The following RIGI variants were observed in gnomAD, a reference collection of about 807,000 sequenced individuals.
RIGI encodes antiviral innate immune response receptor RIG-I.
At chr9:32,477,222 T>A in the RIGI span, 2 of 1,466,464 alleles carry the variant, frequency 1.4e-6, no homozygotes, top group Non-Finnish European at 1.8e-6. Context: ...ACAGCTGATC[T>A]CTAAATCTTT....
At chr9:32,494,486 T>C in the RIGI span, among the ~76,000 whole-genome samples, 1 of 152,182 alleles carries the variant, frequency 6.6e-6, no homozygotes, top group Non-Finnish European at 1.5e-5. Context: ...AAAATACTAA[T>C]GGCCAAGAAA....
At chr9:32,457,087 C>T in the RIGI span, 2 of 1,554,474 alleles carry the variant, frequency 1.3e-6, no homozygotes, top group Non-Finnish European at 1.8e-6. Context: ...CTCAAAGTTA[C>T]TCATTCCCTG....
chr9:32,487,368 A>G, the RIGI span: 1 of 1,152,170 alleles, frequency 8.7e-7, no homozygotes, highest in Non-Finnish European at 1.2e-6. Context: ...ATTTTCTACT[A>G]AACAGAGAGA....
chr9:32,492,546 A>G, the RIGI span: 7 of 1,613,624 alleles, frequency 4.3e-6, no homozygotes, highest in Non-Finnish European at 5.9e-6. Flanking sequence ...AATCTAAGCA[A>G]GGTAACTGTA....
chr9:32,499,316 GTTTTTTT>G, the RIGI span, among the ~76,000 whole-genome samples: 789 of 57,684 alleles, frequency 0.014, 7 homozygotes, highest in South Asian at 0.13. Flanking sequence ...TTTGTGATTT[GTTTTTTT>G]TTTTTTTTTT....
chr9:32,456,841 A>C, the RIGI span: 2 of 374,318 alleles, frequency 5.3e-6, no homozygotes, highest in Non-Finnish European at 9.7e-6. Flanking sequence ...GTACAGAGTG[A>C]TTACTGTGTG....
the RIGI span, among the ~76,000 whole-genome samples, chr9:32,523,073 A>G: frequency 6.6e-6 from 1 of 152,094 alleles, no homozygotes; most frequent in African/African-American, 2.4e-5. Flanking sequence ...CCATTTTCCA[A>G]CACCTAGTTA....
At chr9:32,489,388 A>G in the RIGI span, 1 of 1,613,624 alleles carries the variant, frequency 6.2e-7, no homozygotes, top group Non-Finnish European at 8.5e-7. Context: ...CATAGCAGGC[A>G]AAGCAAGCTC....
At chr9:32,493,815 G>T in the RIGI span, 2 of 1,610,274 alleles carry the variant, frequency 1.2e-6, no homozygotes, top group Non-Finnish European at 1.7e-6. Flanking sequence ...GATCAGAAAT[G>T]ATATCGGTTG....
the RIGI span, among the ~76,000 whole-genome samples, chr9:32,479,086 T>A: frequency 6.6e-6 from 1 of 152,212 alleles, no homozygotes; most frequent in Non-Finnish European, 1.5e-5. Context: ...AATGAAACTA[T>A]ATACCAACAA....
chr9:32,483,910 G>A, the RIGI span, among the ~76,000 whole-genome samples: 2 of 152,040 alleles, frequency 1.3e-5, no homozygotes, highest in Non-Finnish European at 2.9e-5. Flanking sequence ...AGCTGCTTTA[G>A]TATTAGTATT....
the RIGI span, among the ~76,000 whole-genome samples, chr9:32,512,580 A>G: frequency 3.3e-5 from 5 of 152,206 alleles, no homozygotes; most frequent in African/African-American, 1.2e-4. Flanking sequence ...AGAATAATAA[A>G]GAGCTATTTA....
chr9:32,487,228 G>A, the RIGI span, among the ~76,000 whole-genome samples: 1 of 152,126 alleles, frequency 6.6e-6, no homozygotes, highest in African/African-American at 2.4e-5. Context: ...ATTTATAAGA[G>A]GTTTTTGGAA....
the RIGI span, among the ~76,000 whole-genome samples, chr9:32,484,592 C>T: frequency 6.6e-6 from 1 of 152,214 alleles, no homozygotes; most frequent in Admixed American, 6.5e-5. Context: ...ATAACACTCA[C>T]AGTTGGAAGC....
the RIGI span, among the ~76,000 whole-genome samples, chr9:32,519,790 A>C: frequency 6.6e-6 from 1 of 152,180 alleles, no homozygotes; most frequent in African/African-American, 2.4e-5. Flanking sequence ...ATTTACTTGG[A>C]TTAAGTCATA....
the RIGI span, among the ~76,000 whole-genome samples, chr9:32,481,775 A>C: frequency 6.6e-6 from 1 of 152,060 alleles, no homozygotes; most frequent in Non-Finnish European, 1.5e-5. Context: ...TAGTAGAGAC[A>C]GGGTTTCACC....
the RIGI span, among the ~76,000 whole-genome samples, chr9:32,504,137 T>C: frequency 1.3e-5 from 2 of 151,538 alleles, no homozygotes; most frequent in Non-Finnish European, 2.9e-5. Flanking sequence ...CAGGGTACCA[T>C]GCAAGTTCTC....
the RIGI span, among the ~76,000 whole-genome samples, chr9:32,524,299 C>A: frequency 6.6e-6 from 1 of 152,084 alleles, no homozygotes; most frequent in African/African-American, 2.4e-5. Context: ...AATACTGACA[C>A]GAGTTGCTTA....
chr9:32,462,574 A>C, the RIGI span, among the ~76,000 whole-genome samples: 4 of 151,742 alleles, frequency 2.6e-5, no homozygotes, highest in Admixed American at 2.6e-4. Context: ...ACATCCAGCT[A>C]ATTTTTGTAT....
Sources: gnomAD v4.1 joint callset for allele counts (sites outside exome capture counted in the v4.1 genomes callset) on GRCh38, gnomAD v4.1.1 for gene constraint, MANE v1.5 for transcripts, NCBI Gene and HGNC (gene_info 2026-07-23, HGNC 2026-07-21) for gene names.